The following CFAP54 variants were observed in gnomAD, a reference collection of about 807,000 sequenced individuals.
The protein encoded by CFAP54 is cilia and flagella associated protein 54.
In CFAP54, 290 loss-of-function variants were observed where a neutral mutation model predicts 370.4. That is an observed-to-expected ratio of 0.78 (90% CI 0.71 to 0.86). The LOEUF is 0.86. Among genes scored for constraint, CFAP54 ranks in the 40% least tolerant of loss-of-function variants. The pLI, the probability that CFAP54 is intolerant of heterozygous loss-of-function variation, is 0.00. For synonymous variants in CFAP54, 1,206 were observed against 1,236.5 expected, an observed-to-expected ratio of 0.98 and a Z score of 0.52; for missense variants, 3,399 against 3,528.7, an observed-to-expected ratio of 0.96 and a Z score of 0.93.
At chr12:96,742,774 G>A (rs1011594024) in intron 52 of CFAP54, among the ~76,000 whole-genome samples, 188 bp downstream of exon 52, 2 of 152,078 alleles carry the variant, frequency 1.3e-5, no homozygotes, top group Non-Finnish European at 2.9e-5. Flanking sequence ...CATTGAAAGT[G>A]GCTTATATCT....
intron 50 of CFAP54, among the ~76,000 whole-genome samples, chr12:96,723,072 G>A (rs932607854): frequency 1.3e-5 from 2 of 152,102 alleles, no homozygotes; most frequent in African/African-American, 4.8e-5. Flanking sequence ...AGATAAATGT[G>A]TAAGGTGATG....
chr12:96,670,071 A>G (rs1957127614), intron 39 of CFAP54, among the ~76,000 whole-genome samples: 1 of 152,184 alleles, frequency 6.6e-6, no homozygotes, highest in Non-Finnish European at 1.5e-5. Context: ...GCTGCTCATC[A>G]TGGTGGAATC....
rs148856365 is a variant in CFAP54, at chr12:96,817,349, C to T, written c.8958-426C>T. Among the ~76,000 whole-genome samples, 240 of 151,928 alleles carry T rather than the reference C, an allele frequency of 1.6e-3. 1 individual carries two copies. Among genetic ancestry groups the T allele is most frequent in the African/African-American group, 5.4e-3 (222 of 41,428 alleles). Reference sequence around the variant, plus strand: ...GAATTACTGAATGAATGATGCTTGGCGATATCAGAAATCTAATCGTTAAAT... The same window carrying T: ...GAATTACTGAATGAATGATGCTTGGTGATATCAGAAATCTAATCGTTAAAT... On this transcript the variant is annotated intron_variant, in intron 64 of 67. Transcript: ENST00000524981.
At chr12:96,639,837 T>C (rs1219242322) in intron 32 of CFAP54, among the ~76,000 whole-genome samples, 1 of 152,234 alleles carries the variant, frequency 6.6e-6, no homozygotes, top group Non-Finnish European at 1.5e-5. Flanking sequence ...ACCACATGAT[T>C]ATCTCAATAG....
intron 39 of CFAP54, among the ~76,000 whole-genome samples, chr12:96,666,171 T>C (rs1448357459): frequency 6.6e-6 from 1 of 152,220 alleles, no homozygotes; most frequent in African/African-American, 2.4e-5. Flanking sequence ...AAAAGGTTGT[T>C]TTGCACATTT....
intron 36 of CFAP54, among the ~76,000 whole-genome samples, chr12:96,655,887 G>A (rs11108619): frequency 0.034 from 5,186 of 151,900 alleles, 214 homozygotes; most frequent in African/African-American, 0.098. Context: ...TTTTAGGTAG[G>A]ATTATAGTAT....
intron 63 of CFAP54, among the ~76,000 whole-genome samples, chr12:96,805,358 A>G (rs1379386568): frequency 6.6e-6 from 1 of 151,750 alleles, no homozygotes; most frequent in Non-Finnish European, 1.5e-5. Flanking sequence ...TCTAATATCT[A>G]GAATCTACAA....
At chr12:96,777,349 C>CTTTT (rs200690074) in intron 60 of CFAP54, among the ~76,000 whole-genome samples, 3 of 143,510 alleles carry the variant, frequency 2.1e-5, no homozygotes, top group Non-Finnish European at 4.6e-5. Flanking sequence ...CAAGGATATT[C>CTTTT]TTTTTTTTTT....
intron 26 of CFAP54, among the ~76,000 whole-genome samples, chr12:96,606,415 C>G (rs779218307): frequency 6.6e-6 from 1 of 152,166 alleles, no homozygotes; most frequent in African/African-American, 2.4e-5. Flanking sequence ...TTAGCATTGT[C>G]TGTAAACAGA....
chr12:96,576,721 C>G lies in CFAP54; in HGVS notation c.2756C>G (p.Ser919Cys). 2 of 1,535,810 alleles carry G rather than the reference C, an allele frequency of 1.3e-6. No homozygotes were observed. Among genetic ancestry groups the G allele is most frequent in the Non-Finnish European group, 1.7e-6 (2 of 1,146,666 alleles). The change falls in exon 20 of 68, where the codon TCT becomes TGT. Residue 919 changes from serine to cysteine, a missense_variant. By Grantham distance (112) the Ser-to-Cys change is moderately radical (BLOSUM62 -1). Around this residue, in one of 3 missense-constraint regions of CFAP54, gnomAD observed 2,796 missense variants for 2,869.7 expected, o/e 0.97. Coordinates refer to ENST00000524981, the MANE Select transcript of CFAP54 (RefSeq NM_001306084.2). ...ATCCTGCTGTCTCGAACTCATTGTT[C>G]TGTGACACTCAAACCTGCTCCATTT... Reference protein sequence around the residue: ...PPILLSRTHCSVTLKPAPFTS... With the variant: ...PPILLSRTHCCVTLKPAPFTS...
intron 38 of CFAP54, among the ~76,000 whole-genome samples, chr12:96,663,409 T>C (rs1473430705): frequency 6.6e-6 from 1 of 152,144 alleles, no homozygotes; most frequent in Non-Finnish European, 1.5e-5. Context: ...AAATAAATTA[T>C]CAAAATACTA....
intron 50 of CFAP54, among the ~76,000 whole-genome samples, chr12:96,737,632 G>T (rs1157348149): frequency 6.6e-6 from 1 of 151,782 alleles, no homozygotes; most frequent in African/African-American, 2.4e-5. Context: ...TGGGATTACA[G>T]GTGCCTGCCA....
intron 58 of CFAP54, among the ~76,000 whole-genome samples, chr12:96,761,756 C>A (rs751820558): frequency 1.3e-4 from 20 of 152,220 alleles, no homozygotes; most frequent in Admixed American, 7.2e-4. Flanking sequence ...TTATCCTTTT[C>A]TCGTTGGATT....
At position 96,519,011 on chromosome 12, in the gene CFAP54, T is replaced by A. The variant is rs1480381046; in HGVS notation, c.882T>A (p.Ala294=). 7 of 1,536,004 alleles carry A rather than the reference T, an allele frequency of 4.6e-6. No individual in the cohort carries two copies. Among genetic ancestry groups the A allele is most frequent in the Non-Finnish European group, 6.1e-6 (7 of 1,146,876 alleles). ...CACTCAGGTACTTGACATGGCGCGCTACTCTCTACACAGCTGTTTGCCAGT... is the reference window on the plus strand; with the variant it reads ...CACTCAGGTACTTGACATGGCGCGCAACTCTCTACACAGCTGTTTGCCAGT... The part of the protein sequence containing the change: ...LLSLRYLTWR[A]TLYTAVCQCC... Residue 294 remains alanine, a synonymous_variant, in exon 6 of 68, where the codon GCT becomes GCA. Coordinates refer to ENST00000524981, the MANE Select transcript of CFAP54 (RefSeq NM_001306084.2).
In CFAP54 at chr12:96,527,397, A is replaced by G. The variant is rs989399065; in HGVS notation, c.1310A>G (p.His437Arg). 6.5e-7 allele frequency: 1 copy of G among 1,531,974 alleles called. No individual in the cohort carries two copies. Among genetic ancestry groups the G allele is most frequent in the East Asian group, 2.5e-5 (1 of 40,808 alleles). The allele number at this position is 1,531,974 out of a possible 1,614,324, so 94.9% of individuals were successfully genotyped here. Reference protein sequence around the residue: ...GPIVTDEVEIHDVVSELFMAG... With the variant: ...GPIVTDEVEIRDVVSELFMAG... ...ATTGTTACAGATGAAGTGGAGATTC[A>G]TGATGTTGTCTCAGAATTGTTTATG... The change falls in exon 9 of 68, where the codon CAT becomes CGT. Residue 437 changes from histidine (H) to arginine (R), a missense_variant. Physicochemically the swap from His to Arg is conservative, Grantham distance 29. This residue lies in a region of CFAP54 where 559 missense variants were observed against 576.7 expected (regional missense o/e 0.97). Transcript: ENST00000524981.
chr12:96,703,227 G>T (rs1015385863), intron 46 of CFAP54, among the ~76,000 whole-genome samples: 17 of 152,320 alleles, frequency 1.1e-4, no homozygotes, highest in African/African-American at 4.1e-4. Flanking sequence ...AGATGAGCTA[G>T]CAGGAAAGCT....
intron 22 of CFAP54, 96 bp downstream of exon 22, chr12:96,581,201 A>G: frequency 2.4e-6 from 2 of 847,118 alleles, no homozygotes; most frequent in South Asian, 3.0e-5. Context: ...CACAGCAGAT[A>G]TTCTAAAGCT....
chr12:96,578,724 G>A (rs1956004360), intron 20 of CFAP54, among the ~76,000 whole-genome samples: 1 of 152,192 alleles, frequency 6.6e-6, no homozygotes, highest in Admixed American at 6.5e-5. Flanking sequence ...ATCAGCACTA[G>A]ATGGTGCTAT....
At chr12:96,518,882 T>C (rs1252932411) in intron 5 of CFAP54, 46 bp from the exon 6 acceptor site, 4 of 1,477,232 alleles carry the variant, frequency 2.7e-6, no homozygotes, top group Non-Finnish European at 2.7e-6. Flanking sequence ...ATTATCATTA[T>C]TAACTTCAAA....
Sources: gnomAD v4.1 joint callset for allele counts (sites outside exome capture counted in the v4.1 genomes callset) on GRCh38, gnomAD v4.1.1 for gene constraint, gnomAD v4.1.1 regional missense constraint, MANE v1.5 for transcripts, NCBI Gene and HGNC (gene_info 2026-07-23, HGNC 2026-07-21) for gene names.